The following PRDM6 variants were observed in gnomAD, a reference collection of about 807,000 sequenced individuals.
The protein encoded by PRDM6 is putative histone-lysine N-methyltransferase PRDM6.
A neutral mutation model predicts 60.8 loss-of-function variants in PRDM6; 25 were observed. That is an observed-to-expected ratio of 0.41 (90% CI 0.30 to 0.57). The LOEUF is 0.57. Among genes scored for constraint, PRDM6 ranks in the 20% least tolerant of loss-of-function variants. The pLI is 0.27. For synonymous variants in PRDM6, 407 were observed against 357.4 expected (o/e 1.14, Z -1.57); for missense variants, 839 against 821.3 (o/e 1.02, Z -0.26).
chr5:123,107,946 ATAT>A (rs1371336108), intron 3 of PRDM6, among the ~76,000 whole-genome samples: 2 of 152,130 alleles, frequency 1.3e-5, no homozygotes, highest in African/African-American at 4.8e-5. Flanking sequence ...CAGTGTCTTG[ATAT>A]TATCTCCTCA....
intron 3 of PRDM6, among the ~76,000 whole-genome samples, chr5:123,141,339 G>T (rs1249440565): frequency 6.6e-6 from 1 of 151,764 alleles, no homozygotes. Context: ...TAATATCTTG[G>T]CATTTATGTA....
chr5:123,186,693 A>G (rs951856136), intron 7 of PRDM6, among the ~76,000 whole-genome samples: 2 of 152,256 alleles, frequency 1.3e-5, no homozygotes, highest in Admixed American at 6.5e-5. Context: ...ATTGTAAATT[A>G]GCAGTAGGTG....
Position 123,099,949 on chromosome 5 carries a change from G to A in PRDM6, c.888G>A (p.Gln296=), listed in dbSNP as rs1489245512. ...KVQAGAVRNT[Q]HLWEIYDQDG... ...AGGCAGGCGCCGTGAGGAACACGCA[G>A]CATCTCTGGGAGGTAAGTGGCCGGC... is the stretch of plus-strand genomic sequence containing the variant. Residue 296 remains glutamine, a synonymous_variant, in exon 3 of 8, where the codon CAG becomes CAA. Coordinates refer to ENST00000407847, the MANE Select transcript of PRDM6 (RefSeq NM_001136239.4). The surrounding 1 kb of genome is among the most constrained non-coding windows in gnomAD (Gnocchi z 4.0). 1 of 1,522,630 alleles carries A rather than the reference G, an allele frequency of 6.6e-7. No individual in the cohort carries two copies. The highest frequency in any genetic ancestry group is 8.9e-7 in the Non-Finnish European group (1 of 1,128,936). 94.3% of individuals were successfully genotyped at this position (1,522,630 alleles called of 1,614,324 possible).
intron 4 of PRDM6, among the ~76,000 whole-genome samples, chr5:123,157,639 C>T (rs1414709911): frequency 6.6e-6 from 1 of 152,204 alleles, no homozygotes; most frequent in African/African-American, 2.4e-5. Flanking sequence ...AACTGGCATT[C>T]ATCACCAGTG....
intron 5 of PRDM6, among the ~76,000 whole-genome samples, chr5:123,163,957 C>T (rs894338917): frequency 1.7e-4 from 26 of 152,036 alleles, no homozygotes; most frequent in African/African-American, 5.3e-4. Flanking sequence ...GACCTCTTCA[C>T]GGTGCCCCTC....
chr5:123,099,718 G>A lies in PRDM6; in HGVS notation c.657G>A (p.Leu219=), dbSNP rs1349947595. 2 of 1,531,246 alleles carry A rather than the reference G, an allele frequency of 1.3e-6. No individual in the cohort carries two copies. The highest frequency in any genetic ancestry group is 8.8e-7 in the Non-Finnish European group (1 of 1,139,332). 94.9% of individuals were successfully genotyped at this position (1,531,246 alleles called of 1,614,324 possible). The change falls in exon 3 of 8, where the codon CTG becomes CTA. Residue 219 remains leucine, a synonymous_variant. Coordinates refer to ENST00000407847, the MANE Select transcript of PRDM6 (RefSeq NM_001136239.4). This position sits in a 1 kb window ranked among gnomAD's most constrained non-coding sequence, Gnocchi z 4.0. The part of the protein sequence containing the change: ...ECPMHGPLHS[L]RRLVGTSSAA... ...CTATGCATGGGCCACTGCACTCGCT[G>A]CGCCGGCTTGTGGGCACCAGCAGCG...
intron 3 of PRDM6, among the ~76,000 whole-genome samples, chr5:123,130,650 C>T (rs392956): frequency 0.3 from 45,673 of 151,252 alleles, 7,330 homozygotes; most frequent in Middle Eastern, 0.37. Flanking sequence ...CTGCAACCTC[C>T]GCCTCCTGGG....
At chr5:123,132,273 A>G (rs1452364236) in intron 3 of PRDM6, among the ~76,000 whole-genome samples, 3 of 152,172 alleles carry the variant, frequency 2.0e-5, no homozygotes, top group African/African-American at 7.2e-5. Context: ...GGGTGTATAA[A>G]TGTAGAGAAA....
chr5:123,186,240 A>G lies in PRDM6; in HGVS notation c.1674-847A>G, dbSNP rs150534701. Among the ~76,000 whole-genome samples, 425 of 152,304 alleles carry G rather than the reference A, an allele frequency of 2.8e-3. 2 individuals carry two copies. Among genetic ancestry groups the G allele is most frequent in the African/African-American group, 0.01 (418 of 41,558 alleles). On this transcript the variant is annotated intron_variant, in intron 7 of 7. Transcript: ENST00000407847. The stretch of plus-strand genomic sequence containing the variant: ...CAGAAAAACAACAGGCTCCCACTAG[A>G]TTTTGAATGTGTGTTCTGCTTTTTG...
In PRDM6 at chr5:123,180,160, G is replaced by A. The variant is rs1382840139; in HGVS notation, c.1510G>A (p.Gly504Ser). 4 of 1,549,592 alleles carry A rather than the reference G, an allele frequency of 2.6e-6. No homozygotes were observed. The highest frequency in any genetic ancestry group is 3.5e-6 in the Non-Finnish European group (4 of 1,145,460). ...TQNPDRPYQC[G>S]HCSQSFSQPS... ...TATTTGTTTCAGACCCTACCAATGC[G>A]GCCACTGCTCCCAGTCCTTTTCCCA... is the stretch of plus-strand genomic sequence containing the variant. The change falls in exon 7 of 8, where the codon GGC becomes AGC. Residue 504 changes from glycine (G) to serine (S), a missense_variant. Around this residue, in one of 2 missense-constraint regions of PRDM6, gnomAD observed 109 missense variants for 172.6 expected, o/e 0.63. Transcript: ENST00000407847.
At chr5:123,129,769 G>A (rs1367502156) in intron 3 of PRDM6, among the ~76,000 whole-genome samples, 1 of 152,150 alleles carries the variant, frequency 6.6e-6, no homozygotes, top group Non-Finnish European at 1.5e-5. Flanking sequence ...ATATCATCAT[G>A]TGTCTATAAA....
intron 3 of PRDM6, among the ~76,000 whole-genome samples, chr5:123,129,247 G>A (rs995507013): frequency 1.3e-5 from 2 of 152,124 alleles, no homozygotes; most frequent in African/African-American, 4.8e-5. Flanking sequence ...GGCAATGCGG[G>A]CTCTTTTTTG....
At chr5:123,100,043 C>A in intron 3 of PRDM6, 82 bp downstream of exon 3, 7 of 1,387,110 alleles carry the variant, frequency 5.0e-6, no homozygotes, top group Non-Finnish European at 6.7e-6. Flanking sequence ...GGAGCCTGGC[C>A]TTTGGCTGTG....
intron 3 of PRDM6, among the ~76,000 whole-genome samples, chr5:123,110,617 G>C (rs374938082): frequency 4.1e-4 from 61 of 148,274 alleles, no homozygotes; most frequent in African/African-American, 1.2e-3. Context: ...GCCCAGGCTG[G>C]AGTGTAATGG....
At chr5:123,149,601 G>A (rs1765329005) in intron 3 of PRDM6, among the ~76,000 whole-genome samples, 1 of 152,144 alleles carries the variant, frequency 6.6e-6, no homozygotes, top group Non-Finnish European at 1.5e-5. Context: ...CATGACAAGC[G>A]ACACTGCAAT....
intron 6 of PRDM6, among the ~76,000 whole-genome samples, chr5:123,176,494 T>G (rs1319662815): frequency 6.6e-6 from 1 of 152,152 alleles, no homozygotes; most frequent in African/African-American, 2.4e-5. Context: ...GCAGATCACT[T>G]GAGCCCAGAA....
intron 3 of PRDM6, among the ~76,000 whole-genome samples, chr5:123,104,294 A>G (rs1426604192): frequency 6.6e-6 from 1 of 152,112 alleles, no homozygotes; most frequent in Non-Finnish European, 1.5e-5. Flanking sequence ...TTGATTTCAT[A>G]TTTTAAATAT....
intron 3 of PRDM6, among the ~76,000 whole-genome samples, chr5:123,140,583 G>A (rs1002923395): frequency 8.5e-5 from 13 of 152,054 alleles, no homozygotes; most frequent in African/African-American, 3.1e-4. Flanking sequence ...TTTAGATGTT[G>A]ACATGTATTA....
At chr5:123,180,053 G>A (rs1766111182) in intron 6 of PRDM6, 94 bp from the exon 7 acceptor site, 2 of 1,208,570 alleles carry the variant, frequency 1.7e-6, no homozygotes, top group East Asian at 2.6e-5. Context: ...CTGAGAAAAT[G>A]TCACCAATAA....
Sources: allele counts gnomAD v4.1 joint callset (sites outside exome capture counted in the v4.1 genomes callset), GRCh38; gene constraint gnomAD v4.1.1; regional missense constraint gnomAD v4.1.1; non-coding constraint Gnocchi (gnomAD v3.1); transcripts MANE v1.5; gene names NCBI Gene and HGNC (gene_info 2026-07-23, HGNC 2026-07-21).